The following ADAM12 variants were observed in gnomAD, a reference collection of about 807,000 sequenced individuals.
ADAM12 encodes disintegrin and metalloproteinase domain-containing protein 12.
In ADAM12, 70 loss-of-function variants were observed where a neutral mutation model predicts 106.4. The ratio of observed to expected loss-of-function variants is 0.66; its 90% confidence interval spans 0.54 to 0.80. The LOEUF (loss-of-function observed/expected upper bound fraction) is 0.80, where lower values mean the gene tolerates loss of function less well. Ranked by LOEUF, ADAM12 falls within the 30% of genes least tolerant of loss-of-function variation. ADAM12 has a pLI of 0.00. For synonymous variants in ADAM12, 420 were observed against 433.5 expected, an observed-to-expected ratio of 0.97 and a Z score of 0.39; for missense variants, 1,010 against 1,171.9, an observed-to-expected ratio of 0.86 and a Z score of 2.02.
intron 21 of ADAM12, among the ~76,000 whole-genome samples, chr10:126,028,176 C>T (rs1242728033): frequency 6.6e-6 from 1 of 152,070 alleles, no homozygotes; most frequent in Non-Finnish European, 1.5e-5. Context: ...TCAAAGAAAT[C>T]AGAGGACATA....
chr10:126,095,666 A>G (rs1356979111), intron 10 of ADAM12, among the ~76,000 whole-genome samples: 1 of 151,604 alleles, frequency 6.6e-6, no homozygotes, highest in Non-Finnish European at 1.5e-5. Context: ...GTGGCTTTAT[A>G]AGAAGAAGAG....
intron 3 of ADAM12, chr10:126,273,561 C>T (rs1959192281): frequency 6.6e-6 from 1 of 151,880 alleles, no homozygotes; most frequent in African/African-American, 2.4e-5. Context: ...AAGTCCAATC[C>T]CTGGGCATGT....
intron 1 of ADAM12, among the ~76,000 whole-genome samples, chr10:126,359,586 C>T (rs918304178): frequency 5.3e-5 from 8 of 152,236 alleles, no homozygotes; most frequent in African/African-American, 1.9e-4. Context: ...CTCCATGTCT[C>T]ACATCCAGAT....
In ADAM12 at chr10:126,161,098, C is replaced by T. The variant is rs751110977; in HGVS notation, c.261-5793G>A. Among the ~76,000 whole-genome samples the T allele has an allele frequency of 6.4e-5, 9 of 141,274 alleles. No individual in the cohort carries two copies. The East Asian group carries it at 6.9e-4, about 11-fold the overall frequency. 92.7% of individuals were successfully genotyped at this position (141,274 alleles called of 152,430 possible). On this transcript the variant is annotated intron_variant, in intron 3 of 22. Transcript: ENST00000448723. ...GCCTGGTATTCCTATTTTGTTTATG[C>T]GTCTCCTTACTTATTTATCTCTACC...
chr10:126,273,457 A>G (rs1486540643), intron 3 of ADAM12: 5 of 152,226 alleles, frequency 3.3e-5, no homozygotes, highest in Non-Finnish European at 5.9e-5. Context: ...TCTTAAAAAA[A>G]AAAGATGGTG....
At chr10:126,383,392 G>C (rs1856556651) in intron 1 of ADAM12, among the ~76,000 whole-genome samples, 1 of 152,092 alleles carries the variant, frequency 6.6e-6, no homozygotes. Flanking sequence ...GGGACATTCA[G>C]CTAATAGCAG....
At chr10:126,244,064 C>A (rs1958583088) in intron 3 of ADAM12, among the ~76,000 whole-genome samples, 1 of 152,198 alleles carries the variant, frequency 6.6e-6, no homozygotes, top group Admixed American at 6.5e-5. Context: ...GTTTTGGCAA[C>A]TCTGTGATTA....
At position 126,339,482 on chromosome 10, in the gene ADAM12, G is replaced by A. The variant is rs1012063186; in HGVS notation, c.89-8973C>T. 3.9e-5 allele frequency among the ~76,000 whole-genome samples: 6 copies of A among 152,084 alleles called. No homozygotes were observed. In the South Asian group the frequency reaches 8.3e-4, roughly 21 times the overall value. On this transcript the variant is annotated intron_variant, in intron 1 of 22. Transcript: ENST00000448723. ...TACAAAACTCCAGTTGGTGTTTTGC[G>A]CTTTGCTTTTGTTCTTTTGTCTTCT... is the stretch of plus-strand genomic sequence containing the variant.
intron 2 of ADAM12, among the ~76,000 whole-genome samples, chr10:126,321,168 A>T (rs932900651): frequency 4.6e-5 from 7 of 152,236 alleles, no homozygotes; most frequent in African/African-American, 1.7e-4. Flanking sequence ...AGTAACTATA[A>T]GCCCTACATG....
intron 11 of ADAM12, among the ~76,000 whole-genome samples, chr10:126,072,276 G>A (rs1205246889): frequency 6.6e-6 from 1 of 151,988 alleles, no homozygotes; most frequent in Non-Finnish European, 1.5e-5. Flanking sequence ...AAACAACCGG[G>A]TGCCTCTAAA....
At chr10:126,222,482 C>T (rs574527877) in intron 3 of ADAM12, among the ~76,000 whole-genome samples, 1 of 149,918 alleles carries the variant, frequency 6.7e-6, no homozygotes, top group African/African-American at 2.5e-5. Flanking sequence ...TCTCTGACTC[C>T]CAGTGAGTGC....
At chr10:126,271,971 CTCT>C (rs1181354547) in intron 3 of ADAM12, among the ~76,000 whole-genome samples, 6 of 152,182 alleles carry the variant, frequency 3.9e-5, no homozygotes, top group African/African-American at 1.4e-4. Flanking sequence ...TTTACTTCTG[CTCT>C]TCTTTCTCTC....
intron 3 of ADAM12, among the ~76,000 whole-genome samples, chr10:126,190,279 G>C (rs1957475761): frequency 6.6e-6 from 1 of 151,064 alleles, no homozygotes; most frequent in African/African-American, 2.4e-5. Context: ...TCAGCTCACT[G>C]CAACCTCCAC....
chr10:126,337,461 G>T (rs1202918803), intron 1 of ADAM12, among the ~76,000 whole-genome samples: 1 of 152,208 alleles, frequency 6.6e-6, no homozygotes, highest in East Asian at 1.9e-4. Flanking sequence ...GGAGTGGGAG[G>T]AAGCATTCAG....
At chr10:126,133,533 A>G (rs1285606000) in intron 5 of ADAM12, among the ~76,000 whole-genome samples, 2 of 152,014 alleles carry the variant, frequency 1.3e-5, no homozygotes, top group Non-Finnish European at 2.9e-5. Flanking sequence ...CACCTACCCA[A>G]GCCTCCGCTT....
chr10:126,073,183 G>A (rs1362689593), intron 11 of ADAM12, among the ~76,000 whole-genome samples: 1 of 152,170 alleles, frequency 6.6e-6, no homozygotes. Flanking sequence ...CCGCCTCCCG[G>A]ATTCAAGTAA....
Position 126,221,824 on chromosome 10 carries a change from G to A in ADAM12, c.260+57091C>T, listed in dbSNP as rs150302101. Reference sequence around the variant, plus strand: ...ATGACAGGGCTGAACCAGGTGCTACGAAACTCTACTATGTTAAAAGAGTAA... The same window carrying A: ...ATGACAGGGCTGAACCAGGTGCTACAAAACTCTACTATGTTAAAAGAGTAA... On this transcript the variant is annotated intron_variant, in intron 3 of 22. Transcript: ENST00000448723. Among the ~76,000 whole-genome samples the A allele has an allele frequency of 6.8e-4, 103 of 152,288 alleles. 2 individuals are homozygous for A. Among genetic ancestry groups the A allele is most frequent in the Admixed American group, 4.7e-3 (72 of 15,304 alleles).
intron 2 of ADAM12, among the ~76,000 whole-genome samples, chr10:126,311,945 T>C (rs1961118418): frequency 6.6e-6 from 1 of 152,112 alleles, no homozygotes; most frequent in African/African-American, 2.4e-5. Flanking sequence ...CCTTCACTTG[T>C]AGCCAAGTCA....
At chr10:126,175,695 G>A (rs184712302) in intron 3 of ADAM12, among the ~76,000 whole-genome samples, 145 of 152,330 alleles carry the variant, frequency 9.5e-4, no homozygotes, top group African/African-American at 3.3e-3. Flanking sequence ...CGTAAGTGTC[G>A]TGCTGGGGGC....
Sources: gnomAD v4.1 joint callset for allele counts (sites outside exome capture counted in the v4.1 genomes callset) on GRCh38, gnomAD v4.1.1 for gene constraint, MANE v1.5 for transcripts, NCBI Gene and HGNC (gene_info 2026-07-23, HGNC 2026-07-21) for gene names.